Variants in USH2A observed in about 807,000 individuals in gnomAD.
USH2A encodes usherin.
USH2A carries 443 observed loss-of-function variants against 538.9 expected under a neutral mutation model. That is an observed-to-expected ratio of 0.82 (90% CI 0.76 to 0.89). The LOEUF is 0.89. Among genes scored for constraint, USH2A ranks in the 40% least tolerant of loss-of-function variants. The probability of loss-of-function intolerance (pLI) is 0.00; values close to 1 mark genes in which losing one functional copy is unlikely to be tolerated. For synonymous variants in USH2A, 2,413 were observed against 2,273.5 expected, an observed-to-expected ratio of 1.06 and a Z score of -1.75; for missense variants, 6,633 against 6,324.8, an observed-to-expected ratio of 1.05 and a Z score of -1.65.
At chr1:215,753,106 A>G (rs1293464036) in intron 58 of USH2A, among the ~76,000 whole-genome samples, 1 of 152,306 alleles carries the variant, frequency 6.6e-6, no homozygotes, top group Non-Finnish European at 1.5e-5. Flanking sequence ...CAAAACCACA[A>G]TGAGATACCA....
At chr1:215,875,472 T>G (rs918684272) in intron 43 of USH2A, among the ~76,000 whole-genome samples, 1 of 152,290 alleles carries the variant, frequency 6.6e-6, no homozygotes, top group Non-Finnish European at 1.5e-5. Context: ...GGTGTGTTTA[T>G]GTCAATTCAT....
intron 38 of USH2A, among the ~76,000 whole-genome samples, chr1:215,902,763 G>A (rs2102471697): frequency 6.6e-6 from 1 of 152,234 alleles, no homozygotes; most frequent in East Asian, 1.9e-4. Context: ...TCTGGAGGAA[G>A]AGTAATCCAG....
At chr1:215,800,965 G>C (rs968199961) in intron 49 of USH2A, among the ~76,000 whole-genome samples, 1 of 152,066 alleles carries the variant, frequency 6.6e-6, no homozygotes, top group East Asian at 1.9e-4. Context: ...GGAATACCAG[G>C]ATGGGTCAAT....
intron 37 of USH2A, among the ~76,000 whole-genome samples, chr1:215,947,532 C>T (rs985525280): frequency 6.6e-6 from 1 of 152,144 alleles, no homozygotes; most frequent in Admixed American, 6.5e-5. Flanking sequence ...AAGAAAACCT[C>T]ATTGTTCAAA....
intron 55 of USH2A, among the ~76,000 whole-genome samples, chr1:215,767,326 C>G (rs112921144): frequency 2.6e-3 from 389 of 152,274 alleles, no homozygotes; most frequent in African/African-American, 9.2e-3. Context: ...CCATCCCAGT[C>G]TCTGCAATTG....
At chr1:216,126,036 C>T (rs940729780) in intron 21 of USH2A, among the ~76,000 whole-genome samples, 26 of 152,006 alleles carry the variant, frequency 1.7e-4, no homozygotes, top group African/African-American at 6.3e-4. Context: ...ATGCCTTTTC[C>T]CCTTATCAAA....
At chr1:216,211,989 A>G (rs1040156839) in intron 15 of USH2A, among the ~76,000 whole-genome samples, 1 of 152,214 alleles carries the variant, frequency 6.6e-6, no homozygotes, top group East Asian at 1.9e-4. Context: ...GATTTCATCT[A>G]AAACTCTGCA....
Position 215,920,734 on chromosome 1 carries a change from C to A in USH2A, c.7300+13882G>T, listed in dbSNP as rs115352164. Among the ~76,000 whole-genome samples, 1,497 of 152,158 alleles carry A rather than the reference C, an allele frequency of 9.8e-3. 20 individuals carry two copies. The highest frequency in any genetic ancestry group is 0.035 in the African/African-American group (1,445 of 41,532). On this transcript the variant is annotated intron_variant, in intron 38 of 71. Coordinates refer to ENST00000307340, the MANE Select transcript of USH2A (RefSeq NM_206933.4). ...ATATTTTGATAGACACTGTGCTTTA[C>A]AAATGCACAGTCTAAGATACACGCT...
At chr1:216,020,012 G>A (rs1337241121) in intron 32 of USH2A, among the ~76,000 whole-genome samples, 2 of 152,090 alleles carry the variant, frequency 1.3e-5, no homozygotes, top group African/African-American at 4.8e-5. Flanking sequence ...GATATTTAAT[G>A]GATTGTCTAT....
intron 27 of USH2A, among the ~76,000 whole-genome samples, chr1:216,077,846 C>A (rs2031803259): frequency 6.6e-6 from 1 of 151,240 alleles, no homozygotes; most frequent in Non-Finnish European, 1.5e-5. Flanking sequence ...TTACTATTTA[C>A]TGAGGACATA....
chr1:216,076,658 T>C (rs2031763741), intron 27 of USH2A, among the ~76,000 whole-genome samples: 1 of 152,134 alleles, frequency 6.6e-6, no homozygotes, highest in Admixed American at 6.6e-5. Flanking sequence ...TGCTGTTACA[T>C]CTTAAGTGCC....
chr1:216,245,269 ACACCCCTGGC>A (rs1456990646), intron 13 of USH2A, among the ~76,000 whole-genome samples: 1 of 152,136 alleles, frequency 6.6e-6, no homozygotes, highest in Non-Finnish European at 1.5e-5. Flanking sequence ...TAAGTACGTG[ACACCCCTGGC>A]CACAATGAAT....
At chr1:216,227,630 T>G (rs549686562) in intron 14 of USH2A, among the ~76,000 whole-genome samples, 1 of 152,170 alleles carries the variant, frequency 6.6e-6, no homozygotes, top group Non-Finnish European at 1.5e-5. Context: ...GATTTTCTTC[T>G]AAGACTAGAT....
In USH2A at chr1:215,625,815, T is replaced by G; in HGVS notation, c.15575A>C (p.Lys5192Thr). 6.2e-7 allele frequency: 1 copy of G among 1,614,162 alleles called. No individual in the cohort carries two copies. The highest frequency in any genetic ancestry group is 8.5e-7 in the Non-Finnish European group (1 of 1,180,008). ...GGTGTCTGTGAATGTGGTGCGTTCCTTAGTCACTGAGCTGAAATCCTTGAT... is the reference window on the plus strand; with the variant it reads ...GGTGTCTGTGAATGTGGTGCGTTCCGTAGTCACTGAGCTGAAATCCTTGAT... ...NAIKDFSSVTKERTTFTDTHL is the reference protein window; with the variant it reads ...NAIKDFSSVTTERTTFTDTHL Residue 5192 changes from lysine (K) to threonine (T), a missense_variant, in exon 72 of 72, where the codon AAG (lysine) becomes ACG (threonine). Coordinates refer to ENST00000307340, the MANE Select transcript of USH2A (RefSeq NM_206933.4).
intron 35 of USH2A, among the ~76,000 whole-genome samples, chr1:215,972,013 G>A (rs1667504417): frequency 6.6e-6 from 1 of 152,130 alleles, no homozygotes; most frequent in Non-Finnish European, 1.5e-5. Flanking sequence ...AAAGTACAAG[G>A]GTGTGTGTGA....
intron 32 of USH2A, among the ~76,000 whole-genome samples, chr1:216,033,491 C>G (rs966515239): frequency 1.3e-5 from 2 of 152,022 alleles, no homozygotes; most frequent in Non-Finnish European, 2.9e-5. Context: ...AACAAACCAA[C>G]AGAAATAGAA....
rs561005107 is a variant in USH2A at position 215,757,458 on chromosome 1, G to A, written c.11389+1137C>T. ...AATTATGTTATGGAATGGATCTACCGATGGCTCAAATGGCTGTTAACCATT... is the reference window on the plus strand; with the variant it reads ...AATTATGTTATGGAATGGATCTACCAATGGCTCAAATGGCTGTTAACCATT... On this transcript the variant is annotated intron_variant, in intron 58 of 71. Coordinates refer to ENST00000307340, the MANE Select transcript of USH2A (RefSeq NM_206933.4). Among the ~76,000 whole-genome samples, 24 of 152,184 alleles carry A rather than the reference G, an allele frequency of 1.6e-4. No homozygotes were observed. In the South Asian group the frequency reaches 1.9e-3, roughly 12 times the overall value.
chr1:215,719,923 A>T (rs1659603726), intron 61 of USH2A, among the ~76,000 whole-genome samples: 1 of 152,222 alleles, frequency 6.6e-6, no homozygotes, highest in African/African-American at 2.4e-5. Context: ...TATGGAAGTA[A>T]GGAAGAGAGA....
At chr1:216,250,797 T>C (rs2036143195) in intron 12 of USH2A, 106 bp downstream of exon 12, 2 of 1,241,258 alleles carry the variant, frequency 1.6e-6, no homozygotes, top group Admixed American at 2.0e-5. Context: ...TTCCAGCCTG[T>C]CTTGAGCAAA....
Sources: gnomAD v4.1 joint callset for allele counts (sites outside exome capture counted in the v4.1 genomes callset) on GRCh38, gnomAD v4.1.1 for gene constraint, MANE v1.5 for transcripts, NCBI Gene and HGNC (gene_info 2026-07-23, HGNC 2026-07-21) for gene names.